C5orf22: variants seen among roughly 807,000 people sequenced by gnomAD.
C5orf22 encodes the protein chromosome 5 open reading frame 22.
C5orf22 carries 36 observed loss-of-function variants against 48.7 expected under a neutral mutation model. That is an observed-to-expected ratio of 0.74 (90% CI 0.57 to 0.98). The LOEUF (loss-of-function observed/expected upper bound fraction) is 0.98, where lower values mean the gene tolerates loss of function less well. Among genes scored for constraint, C5orf22 ranks in the 50% least tolerant of loss-of-function variants. C5orf22 has a pLI of 0.00. For missense variants in C5orf22, 486 were observed against 521.9 expected (o/e 0.93, Z 0.67); for synonymous variants, 141 against 180.8 (o/e 0.78, Z 1.76).
intron 1 of C5orf22, among the ~76,000 whole-genome samples, chr5:31,533,940 A>T (rs1741905606): frequency 6.6e-6 from 1 of 152,110 alleles, no homozygotes; most frequent in Non-Finnish European, 1.5e-5. Flanking sequence ...GACCTAGGGT[A>T]CCTTGAACAC....
At chr5:31,535,707 T>A in intron 2 of C5orf22, 37 bp from the exon 3 acceptor site, 4 of 1,491,322 alleles carry the variant, frequency 2.7e-6, no homozygotes, top group Non-Finnish European at 3.6e-6. Flanking sequence ...AAAATAAAAA[T>A]AAAAGTTTTA....
At chr5:31,547,956 C>T (rs913163761) in intron 7 of C5orf22, among the ~76,000 whole-genome samples, 1 of 152,182 alleles carries the variant, frequency 6.6e-6, no homozygotes. Context: ...TTTTCTTTAA[C>T]ATTGTCAGGC....
intron 3 of C5orf22, among the ~76,000 whole-genome samples, chr5:31,537,111 T>A (rs2150072218): frequency 6.6e-6 from 1 of 152,338 alleles, no homozygotes; most frequent in East Asian, 1.9e-4. Flanking sequence ...CTGGTATATG[T>A]GAAATAGTAG....
At chr5:31,547,276 C>T (rs115166420) in intron 7 of C5orf22, among the ~76,000 whole-genome samples, 2,357 of 152,356 alleles carry the variant, frequency 0.015, 70 homozygotes, top group African/African-American at 0.053. Context: ...TGTGGCTTTG[C>T]GGGATACAAC....
intron 7 of C5orf22, among the ~76,000 whole-genome samples, chr5:31,547,540 G>C (rs1011618708): frequency 1.3e-5 from 2 of 152,242 alleles, no homozygotes; most frequent in Non-Finnish European, 2.9e-5. Context: ...TGGGCATCCA[G>C]GTGTTTCCAT....
At chr5:31,546,623 T>C (rs1421950266) in intron 7 of C5orf22, among the ~76,000 whole-genome samples, 1 of 152,162 alleles carries the variant, frequency 6.6e-6, no homozygotes, top group Non-Finnish European at 1.5e-5. Flanking sequence ...GGAGACCTCA[T>C]AGTCATGGCG....
intron 7 of C5orf22, among the ~76,000 whole-genome samples, chr5:31,546,376 G>A (rs933453032): frequency 2.6e-5 from 4 of 152,102 alleles, no homozygotes; most frequent in Admixed American, 2.6e-4. Context: ...TCTTAGTGTG[G>A]TCTTTCTCTT....
intron 7 of C5orf22, among the ~76,000 whole-genome samples, chr5:31,547,255 A>G (rs1742951861): frequency 1.3e-5 from 2 of 152,276 alleles, no homozygotes; most frequent in African/African-American, 4.8e-5. Context: ...TGTCTTGGGC[A>G]GTTCTGCCCC....
chr5:31,551,503 G>A (rs909206218), intron 8 of C5orf22, 71 bp downstream of exon 8: 1 of 1,214,992 alleles, frequency 8.2e-7, no homozygotes, highest in Non-Finnish European at 1.2e-6. Flanking sequence ...CTGTGAATAT[G>A]TTACATTATA....
At position 31,552,936 on chromosome 5, in the gene C5orf22, G is replaced by T; in HGVS notation, c.*34G>T. 2 of 1,604,422 alleles carry T rather than the reference G, an allele frequency of 1.2e-6. No individual in the cohort carries two copies. The highest frequency in any genetic ancestry group is 2.2e-5 in the South Asian group (2 of 89,992). ...AAACATTAGGCTCCTGTTGTATCTT[G>T]GTTTAGTAACAGGCCCTTAATTAAC... On this transcript the variant is annotated 3_prime_UTR_variant, in exon 9 of 9. Transcript: ENST00000325366.
At chr5:31,540,495 G>C (rs760899287) in intron 4 of C5orf22, among the ~76,000 whole-genome samples, 30 of 152,138 alleles carry the variant, frequency 2.0e-4, no homozygotes, top group Non-Finnish European at 4.1e-4. Flanking sequence ...CTCTTCTGTT[G>C]TTAGAGAAAT....
In C5orf22 at chr5:31,554,793, G is replaced by C. The variant is rs185415164; in HGVS notation, c.*1891G>C. 6.6e-6 allele frequency: 1 copy of C among 152,082 alleles called. No homozygotes were observed. Among genetic ancestry groups the C allele is most frequent in the African/African-American group, 2.4e-5 (1 of 41,406 alleles). The allele number at this position is 152,082 out of a possible 1,614,324, so 9.4% of individuals were successfully genotyped here. A position where few individuals can be genotyped will look rare whatever the true frequency, so the allele number is the denominator to read the frequency against. On this transcript the variant is annotated 3_prime_UTR_variant, in exon 9 of 9. Transcript: ENST00000325366. ...TGGTTTTAACTCAGGTTGAATAAAA[G>C]CATCCATTTCTTTTATAGGAAGGTT...
chr5:31,552,627 C>T, intron 8 of C5orf22, 146 bp from the exon 9 acceptor site: 1 of 627,724 alleles, frequency 1.6e-6, no homozygotes, highest in Non-Finnish European at 2.7e-6. Flanking sequence ...ATGGGGTAAA[C>T]CTTCACTAGC....
At chr5:31,543,892 G>A (rs1742636590) in intron 6 of C5orf22, among the ~76,000 whole-genome samples, 1 of 152,014 alleles carries the variant, frequency 6.6e-6, no homozygotes, top group African/African-American at 2.4e-5. Context: ...TTCTATCACA[G>A]ACTTGAAAAT....
chr5:31,541,107 TG>T, intron 5 of C5orf22, 96 bp downstream of exon 5: 1 of 51,290 alleles, frequency 1.9e-5, no homozygotes, highest in South Asian at 2.6e-4. Flanking sequence ...CTGCTCAAAG[TG>T]TGTGTGTGTG....
At chr5:31,535,594 T>C in intron 2 of C5orf22, 150 bp from the exon 3 acceptor site, 1 of 557,084 alleles carries the variant, frequency 1.8e-6, no homozygotes, top group Non-Finnish European at 3.1e-6. Context: ...TGAAAATAGT[T>C]TTGTAATAGT....
intron 7 of C5orf22, among the ~76,000 whole-genome samples, chr5:31,548,856 G>A (rs1219093014): frequency 6.6e-6 from 1 of 152,198 alleles, no homozygotes; most frequent in African/African-American, 2.4e-5. Context: ...GGCAGAAGGT[G>A]AAAGGCACAT....
intron 6 of C5orf22, among the ~76,000 whole-genome samples, chr5:31,544,852 T>C (rs577392321): frequency 2.3e-4 from 35 of 151,970 alleles, no homozygotes; most frequent in African/African-American, 8.0e-4. Flanking sequence ...GGGAGATTCC[T>C]TAAGCCCAGG....
chr5:31,534,218 T>C (rs1458611913), intron 1 of C5orf22, 54 bp from the exon 2 acceptor site: 2 of 1,442,988 alleles, frequency 1.4e-6, no homozygotes, highest in Non-Finnish European at 1.9e-6. Flanking sequence ...TGCAGTTGAG[T>C]GTGTGCTCAT....
Sources: gnomAD v4.1 joint callset for allele counts (sites outside exome capture counted in the v4.1 genomes callset) on GRCh38, gnomAD v4.1.1 for gene constraint, MANE v1.5 for transcripts, NCBI Gene and HGNC (gene_info 2026-07-23, HGNC 2026-07-21) for gene names.